GPC5: variants seen among roughly 807,000 people sequenced by gnomAD.
GPC5 encodes glypican 5, also known as glypican-5.
In GPC5, 47 loss-of-function variants were observed where a neutral mutation model predicts 53.9. That is an observed-to-expected ratio of 0.87 (90% CI 0.69 to 1.11). The LOEUF is 1.11. Among genes scored for constraint, GPC5 ranks in the 50% most tolerant of loss-of-function variants. The pLI is 0.00. For missense variants in GPC5, 748 were observed against 713.1 expected (o/e 1.05, Z -0.56); for synonymous variants, 286 against 263.3 (o/e 1.09, Z -0.84).
chr13:92,716,165 T>C (rs549783771), intron 7 of GPC5, among the ~76,000 whole-genome samples: 3 of 152,282 alleles, frequency 2.0e-5, no homozygotes, highest in South Asian at 4.1e-4. Flanking sequence ...TAAGATTTTA[T>C]TCTTCATACA....
At chr13:92,215,923 G>A (rs2042406490) in intron 7 of GPC5, among the ~76,000 whole-genome samples, 2 of 152,084 alleles carry the variant, frequency 1.3e-5, no homozygotes, top group African/African-American at 4.8e-5. Context: ...CTTAGCTCAG[G>A]CTTTGATGTG....
intron 7 of GPC5, among the ~76,000 whole-genome samples, chr13:92,566,304 G>A (rs941448047): frequency 6.6e-6 from 1 of 152,076 alleles, no homozygotes; most frequent in Non-Finnish European, 1.5e-5. Flanking sequence ...CTTCTCATGA[G>A]TAAAAATCAA....
chr13:92,280,998 TC>T (rs1193224708), intron 7 of GPC5, among the ~76,000 whole-genome samples: 3 of 152,166 alleles, frequency 2.0e-5, no homozygotes, highest in Non-Finnish European at 2.9e-5. Context: ...CCTTTCCCAG[TC>T]AAGGGAGGCG....
intron 7 of GPC5, among the ~76,000 whole-genome samples, chr13:92,602,411 C>T (rs1174009826): frequency 4.0e-5 from 6 of 151,274 alleles, no homozygotes; most frequent in Non-Finnish European, 7.4e-5. Context: ...TGAACTGTGC[C>T]GACTTAGAGC....
At chr13:91,522,960 T>C (rs1243937972) in intron 2 of GPC5, among the ~76,000 whole-genome samples, 1 of 152,204 alleles carries the variant, frequency 6.6e-6, no homozygotes. Context: ...TTGTGAATAG[T>C]GCTGCAGTAA....
rs2043112527 is a variant in GPC5 at position 92,306,618 on chromosome 13, G to C, written c.1561+161629G>C. ...GCTTGAAAGCATGCAGTGAATGGTGGCCCCAGAGGGCCTTACCTAACTTAC... is the reference window on the plus strand; with the variant it reads ...GCTTGAAAGCATGCAGTGAATGGTGCCCCCAGAGGGCCTTACCTAACTTAC... On this transcript the variant is annotated intron_variant, in intron 7 of 7. Transcript: ENST00000377067. 1.3e-5 allele frequency among the ~76,000 whole-genome samples: 2 copies of C among 152,098 alleles called. 1 individual carries two copies. The highest frequency in any genetic ancestry group is 4.1e-4 in the South Asian group (2 of 4,830).
rs777310889 is a variant in GPC5 at position 92,866,421 on chromosome 13, A to C, written c.1701A>C (p.Leu567Phe). Residue 567 changes from leucine (L) to phenylalanine (F), a missense_variant, in exon 8 of 8, where the codon TTA becomes TTC. By Grantham distance (22) the Leu-to-Phe change is conservative. Coordinates refer to ENST00000377067, the MANE Select transcript of GPC5 (RefSeq NM_004466.6). ...MTFTLISVVM[L>F]LPGIW ...TCACTCTGATAAGTGTGGTGATGTT[A>C]CTTCCCGGGATTTGGTAACTGAACT... The C allele has an allele frequency of 2.5e-6, 4 of 1,604,802 alleles. No homozygotes were observed. Among genetic ancestry groups the C allele is most frequent in the Middle Eastern group, 1.7e-4 (1 of 6,018 alleles).
intron 7 of GPC5, among the ~76,000 whole-genome samples, chr13:92,677,573 A>G (rs1054553644): frequency 6.6e-6 from 1 of 152,214 alleles, no homozygotes; most frequent in Non-Finnish European, 1.5e-5. Context: ...TGGCAGGTGA[A>G]TCTGGACTTG....
intron 7 of GPC5, among the ~76,000 whole-genome samples, chr13:92,390,192 G>A (rs1033785463): frequency 6.6e-6 from 1 of 152,088 alleles, no homozygotes; most frequent in Admixed American, 6.6e-5. Flanking sequence ...ACTGAAGAAA[G>A]ATTATTTTAT....
At chr13:92,235,551 A>T (rs976382221) in intron 7 of GPC5, among the ~76,000 whole-genome samples, 6 of 152,114 alleles carry the variant, frequency 3.9e-5, no homozygotes, top group Non-Finnish European at 8.8e-5. Context: ...AAATTTAAGT[A>T]GGATGGTGTT....
intron 7 of GPC5, among the ~76,000 whole-genome samples, chr13:92,547,813 A>G (rs369835405): frequency 2.5e-5 from 3 of 122,266 alleles, no homozygotes; most frequent in African/African-American, 9.9e-5. Flanking sequence ...TATTATGCCT[A>G]TTATTCTTTT....
In GPC5 at chr13:92,166,921, GTCTCTC is replaced by G. The variant is rs35310453; in HGVS notation, c.1561+21963_1561+21968del. ...TATCCAAAATAAGGCATAAGTCTCA[GTCTCTC>G]TCTCTCTCTCTCTCTCTCTCTCTCT... On this transcript the variant is annotated intron_variant, in intron 7 of 7. Transcript: ENST00000377067. 6.6e-3 allele frequency among the ~76,000 whole-genome samples: 852 copies of G among 128,418 alleles called. 2 individuals carry two copies. The highest frequency in any genetic ancestry group is 0.02 in the East Asian group (86 of 4,376). The allele number at this position is 128,418 out of a possible 152,430, so 84.2% of individuals were successfully genotyped here.
At chr13:92,703,243 G>A (rs1049093873) in intron 7 of GPC5, among the ~76,000 whole-genome samples, 15 of 151,558 alleles carry the variant, frequency 9.9e-5, no homozygotes, top group Non-Finnish European at 1.3e-4. Context: ...GTTTTCAAAA[G>A]AATAAATTAA....
intron 7 of GPC5, among the ~76,000 whole-genome samples, chr13:92,583,736 G>C (rs1006899873): frequency 3.9e-5 from 6 of 152,174 alleles, no homozygotes; most frequent in African/African-American, 1.4e-4. Flanking sequence ...CTCAAACCCA[G>C]TGATATGGTT....
intron 7 of GPC5, among the ~76,000 whole-genome samples, chr13:92,619,946 CA>C (rs1884818279): frequency 6.6e-6 from 1 of 151,856 alleles, no homozygotes; most frequent in Admixed American, 6.6e-5. Flanking sequence ...AATCAGAGGA[CA>C]GTATATAATG....
intron 2 of GPC5, among the ~76,000 whole-genome samples, chr13:91,616,274 TC>T (rs2033693362): frequency 6.6e-6 from 1 of 152,098 alleles, no homozygotes; most frequent in African/African-American, 2.4e-5. Flanking sequence ...GAAACAGATC[TC>T]TTATGAACTA....
At chr13:91,824,330 T>C (rs2038542292) in intron 5 of GPC5, among the ~76,000 whole-genome samples, 1 of 151,916 alleles carries the variant, frequency 6.6e-6, no homozygotes, top group Non-Finnish European at 1.5e-5. Flanking sequence ...GGGCACTAAA[T>C]TAAGGAGGGT....
At chr13:92,248,275 T>C (rs1594035367) in intron 7 of GPC5, among the ~76,000 whole-genome samples, 2 of 152,170 alleles carry the variant, frequency 1.3e-5, no homozygotes, top group East Asian at 1.9e-4. Context: ...CATTTTGGAA[T>C]GGAAGATGGT....
At chr13:92,011,184 G>A (rs746732251) in intron 6 of GPC5, among the ~76,000 whole-genome samples, 1 of 152,082 alleles carries the variant, frequency 6.6e-6, no homozygotes, top group Non-Finnish European at 1.5e-5. Context: ...ATATTACATC[G>A]TGTCTAGAAT....
Sources: allele counts gnomAD v4.1 joint callset (sites outside exome capture counted in the v4.1 genomes callset), GRCh38; gene constraint gnomAD v4.1.1; transcripts MANE v1.5; gene names NCBI Gene and HGNC (gene_info 2026-07-23, HGNC 2026-07-21).